ICE1: variants seen among roughly 807,000 people sequenced by gnomAD.
ICE1 encodes the protein little elongation complex subunit 1.
Under a neutral mutation model 192.7 loss-of-function variants are expected in ICE1, and 64 were observed. That is an observed-to-expected ratio of 0.33 (90% confidence interval 0.27 to 0.41). The LOEUF is 0.41. Among genes scored for constraint, ICE1 ranks in the 10% least tolerant of loss-of-function variants. The pLI, the probability that ICE1 is intolerant of heterozygous loss-of-function variation, is 1.00. For missense variants in ICE1, 2,708 were observed against 2,696.0 expected (o/e 1.00, Z -0.10); for synonymous variants, 1,010 against 984.5 (o/e 1.03, Z -0.49).
At position 5,460,733 on chromosome 5, in the gene ICE1, G is replaced by A. The variant is rs754704889; in HGVS notation, c.1399G>A (p.Ala467Thr). The A allele has an allele frequency of 1.9e-6, 3 of 1,613,936 alleles. No homozygotes were observed. Among genetic ancestry groups the A allele is most frequent in the East Asian group, 2.2e-5 (1 of 44,892 alleles). Residue 467 changes from alanine (A) to threonine (T), a missense_variant, in exon 13 of 19, where the codon GCA becomes ACA. Ala to Thr is a moderately conservative substitution (Grantham distance 58). Transcript: ENST00000296564. ...AGTTGGTGAAAAACACTGGACCACAGCATCTCGATCCATGAGTGATAGAAA... is the reference window on the plus strand; with the variant it reads ...AGTTGGTGAAAAACACTGGACCACAACATCTCGATCCATGAGTGATAGAAA... ...SLVGEKHWTT[A>T]SRSMSDRKRD...
chr5:5,474,446 A>G (rs1314140530), intron 16 of ICE1, among the ~76,000 whole-genome samples: 1 of 152,164 alleles, frequency 6.6e-6, no homozygotes, highest in Non-Finnish European at 1.5e-5. Flanking sequence ...GAATGAAATT[A>G]ATTATCATTA....
In ICE1 at chr5:5,466,402, C is replaced by A. The variant is rs781322092; in HGVS notation, c.5961C>A (p.His1987Gln). Residue 1987 changes from histidine (H) to glutamine (Q), a missense_variant, in exon 14 of 19, where the codon CAC becomes CAA. Physicochemically the swap from His to Gln is conservative, Grantham distance 24 (BLOSUM62 0). Around this residue, in one of 2 missense-constraint regions of ICE1, gnomAD observed 342 missense variants for 419.3 expected, o/e 0.82. Transcript: ENST00000296564. ...AAATTCAGAAGATATCTATGGACCA[C>A]AATTACATTCACGCCCTCTGCAGGG... ...ELKIQKISMDHNYIHALCRVY... is the reference protein window; with the variant it reads ...ELKIQKISMDQNYIHALCRVY... The A allele has an allele frequency of 1.2e-6, 2 of 1,613,466 alleles. No homozygotes were observed. Among genetic ancestry groups the A allele is most frequent in the South Asian group, 2.2e-5 (2 of 90,998 alleles).
intron 5 of ICE1, among the ~76,000 whole-genome samples, chr5:5,441,968 C>CT (rs1478918356): frequency 6.6e-6 from 1 of 152,070 alleles, no homozygotes; most frequent in East Asian, 1.9e-4. Flanking sequence ...CATGTTCGAT[C>CT]TTTTTGGGTG....
At chr5:5,443,921 G>T (rs568850964) in intron 6 of ICE1, among the ~76,000 whole-genome samples, 73 of 152,102 alleles carry the variant, frequency 4.8e-4, no homozygotes, top group Non-Finnish European at 9.0e-4. Flanking sequence ...CACTGTTAAC[G>T]CTATGCATGC....
chr5:5,458,390 T>C (rs1738649174), intron 12 of ICE1, among the ~76,000 whole-genome samples: 1 of 152,074 alleles, frequency 6.6e-6, no homozygotes, highest in Non-Finnish European at 1.5e-5. Flanking sequence ...GTGGGCTTCA[T>C]TGTGTGGAGG....
At chr5:5,466,286 A>G (rs755012193) in intron 13 of ICE1, 48 bp from the exon 14 acceptor site, 1 of 1,480,728 alleles carries the variant, frequency 6.8e-7, no homozygotes, top group South Asian at 1.4e-5. Context: ...GGTAGGCTGA[A>G]GATAAGTATG....
At chr5:5,426,476 A>C (rs1737522219) in intron 1 of ICE1, among the ~76,000 whole-genome samples, 1 of 151,748 alleles carries the variant, frequency 6.6e-6, no homozygotes, top group Admixed American at 6.6e-5. Flanking sequence ...CTTATTTGAC[A>C]GAAGGGAGGT....
chr5:5,459,247 A>G (rs1579561090), intron 12 of ICE1, among the ~76,000 whole-genome samples: 1 of 152,200 alleles, frequency 6.6e-6, no homozygotes, highest in Non-Finnish European at 1.5e-5. Context: ...TGGTTTGAAA[A>G]ATGTTATGAG....
intron 2 of ICE1, among the ~76,000 whole-genome samples, chr5:5,436,743 A>G (rs1737882432): frequency 1.3e-5 from 2 of 152,202 alleles, no homozygotes; most frequent in African/African-American, 2.4e-5. Flanking sequence ...TCTGTCTTCA[A>G]AGCCTTCTTA....
chr5:5,454,713 C>A, intron 11 of ICE1, 75 bp downstream of exon 11: 1 of 985,134 alleles, frequency 1.0e-6, no homozygotes, highest in Non-Finnish European at 1.6e-6. Context: ...GCAGCCGTTA[C>A]TTTTTAATAG....
chr5:5,451,682 A>G (rs1738421296), intron 10 of ICE1, among the ~76,000 whole-genome samples: 1 of 152,204 alleles, frequency 6.6e-6, no homozygotes, highest in African/African-American at 2.4e-5. Context: ...AATTTTTAAC[A>G]ATAGTTAAAG....
In ICE1 at chr5:5,447,758, AG is replaced by A; in HGVS notation, c.547+1del. 1 of 1,584,534 alleles carries A rather than the reference AG, an allele frequency of 6.3e-7. No homozygotes were observed. Among genetic ancestry groups the A allele is most frequent in the Non-Finnish European group, 8.6e-7 (1 of 1,163,142 alleles). ...LDEFSKQKNE[K>X]ELRHIGTQIS... The stretch of plus-strand genomic sequence containing the variant: ...GAATTTTCTAAACAGAAAAATGAAA[AG>A]GGTGAGTATTCAGTTAATGCTTACA... On this transcript the variant is annotated frameshift_variant and splice_region_variant, in exon 9 of 19. Coordinates refer to ENST00000296564, the MANE Select transcript of ICE1 (RefSeq NM_015325.3). LOFTEE classifies it high-confidence loss of function.
At chr5:5,473,808 C>A (rs4631149) in intron 16 of ICE1, 60 bp downstream of exon 16, 1 of 1,229,964 alleles carries the variant, frequency 8.1e-7, no homozygotes, top group Non-Finnish European at 1.1e-6. Flanking sequence ...TTGTTGAACA[C>A]TGAATTGTGG....
chr5:5,464,870 A>G lies in ICE1; in HGVS notation c.5536A>G (p.Lys1846Glu). The G allele has an allele frequency of 6.2e-7, 1 of 1,613,262 alleles. No homozygotes were observed. Among genetic ancestry groups the G allele is most frequent in the Non-Finnish European group, 8.5e-7 (1 of 1,179,516 alleles). Residue 1846 changes from lysine (K) to glutamate (E), a missense_variant, in exon 13 of 19, where the codon AAA becomes GAA. By Grantham distance (56) the Lys-to-Glu change is moderately conservative. This residue lies in a region of ICE1 where 2,366 missense variants were observed against 2,276.6 expected (regional missense o/e 1.04). Coordinates refer to ENST00000296564, the MANE Select transcript of ICE1 (RefSeq NM_015325.3). This position sits in a 1 kb window ranked among gnomAD's most constrained non-coding sequence, Gnocchi z 4.0. ...TLSTSTLRSA[K>E]RLRLDTGSPE... Reference sequence around the variant, plus strand: ...GTCAACGTCTACACTGAGAAGTGCTAAAAGACTGCGCCTGGACACTGGGTC... The same window carrying G: ...GTCAACGTCTACACTGAGAAGTGCTGAAAGACTGCGCCTGGACACTGGGTC...
intron 16 of ICE1, among the ~76,000 whole-genome samples, chr5:5,475,767 G>C (rs915467254): frequency 6.6e-6 from 1 of 152,200 alleles, no homozygotes; most frequent in Non-Finnish European, 1.5e-5. Context: ...TGCAAGCACT[G>C]AATTTGCAGC....
In ICE1 at chr5:5,454,669, A is replaced by G. The variant is rs553539595; in HGVS notation, c.691+31A>G. On this transcript the variant is annotated intron_variant, in intron 11 of 18. Transcript: ENST00000296564. ...AGAGAAGCTTACAGAAACCGATTTCATATGTGAAAGTACAGAGCTTAACCA... is the reference window on the plus strand; with the variant it reads ...AGAGAAGCTTACAGAAACCGATTTCGTATGTGAAAGTACAGAGCTTAACCA... 1.9e-6 allele frequency: 3 copies of G among 1,553,648 alleles called. No homozygotes were observed. The African/African-American group carries it at 4.1e-5, about 21-fold the overall frequency.
Position 5,463,573 on chromosome 5 carries a change from T to C in ICE1, c.4239T>C (p.Asp1413=). The change falls in exon 13 of 19, where the codon GAT becomes GAC. Residue 1413 remains aspartate, a synonymous_variant. Transcript: ENST00000296564. ...SEVINVLINK[D]QNLVIEKGDN... is the part of the protein sequence containing the mutation. ...TTATAAACGTACTTATAAATAAGGA[T>C]CAGAATCTAGTCATTGAAAAGGGGG... 1 of 1,613,956 alleles carries C rather than the reference T, an allele frequency of 6.2e-7. No individual in the cohort carries two copies. Among genetic ancestry groups the C allele is most frequent in the Non-Finnish European group, 8.5e-7 (1 of 1,179,880 alleles).
chr5:5,470,149 A>C (rs1199929488), intron 15 of ICE1, among the ~76,000 whole-genome samples: 1 of 152,044 alleles, frequency 6.6e-6, no homozygotes, highest in East Asian at 1.9e-4. Flanking sequence ...CCAGAGGGTT[A>C]CCTGTTCACA....
At chr5:5,477,149 TAGAA>T (rs1339796165) in intron 17 of ICE1, among the ~76,000 whole-genome samples, 2 of 152,124 alleles carry the variant, frequency 1.3e-5, no homozygotes, top group African/African-American at 4.8e-5. Flanking sequence ...ATCTATTAAT[TAGAA>T]AGATCTCTTA....
Sources: allele counts gnomAD v4.1 joint callset (sites outside exome capture counted in the v4.1 genomes callset), GRCh38; gene constraint gnomAD v4.1.1; regional missense constraint gnomAD v4.1.1; non-coding constraint Gnocchi (gnomAD v3.1); transcripts MANE v1.5; gene names NCBI Gene and HGNC (gene_info 2026-07-23, HGNC 2026-07-21).